Variants in ZFPM2 observed in about 807,000 individuals in gnomAD.
ZFPM2 encodes zinc finger protein, FOG family member 2.
Under a neutral mutation model 98.6 loss-of-function variants are expected in ZFPM2, and 20 were observed. The ratio of observed to expected loss-of-function variants is 0.20; its 90% CI spans 0.14 to 0.29. The LOEUF (loss-of-function observed/expected upper bound fraction) is 0.29. ZFPM2 is among the 10% of genes least tolerant of loss of function. ZFPM2 has a pLI of 1.00. For synonymous variants in ZFPM2, 518 were observed against 502.7 expected (o/e 1.03, Z -0.41); for missense variants, 1,310 against 1,388.6 (o/e 0.94, Z 0.90).
rs1416506538 is a variant in ZFPM2, at chr8:105,801,840, T to A, written c.1758T>A (p.Ser586Arg). 11 of 1,613,996 alleles carry A rather than the reference T, an allele frequency of 6.8e-6. No individual in the cohort carries two copies. The highest frequency in any genetic ancestry group is 9.3e-6 in the Non-Finnish European group (11 of 1,179,872). The change falls in exon 8 of 8, where the codon AGT becomes AGA. Residue 586 changes from serine to arginine, a missense_variant. Transcript: ENST00000407775. The stretch of plus-strand genomic sequence containing the variant: ...TGGCTAAGTCCCCAGAGTTCCCTAG[T>A]GTGTCAGAAAAGATGCCTGAAGCTT... ...QQMAKSPEFP[S>R]VSEKMPEALS...
intron 6 of ZFPM2, among the ~76,000 whole-genome samples, chr8:105,791,858 A>C (rs1813622111): frequency 6.6e-6 from 1 of 151,894 alleles, no homozygotes; most frequent in Non-Finnish European, 1.5e-5. Flanking sequence ...TTTCTTCTAG[A>C]TTTTCTAGTT....
intron 5 of ZFPM2, among the ~76,000 whole-genome samples, chr8:105,716,326 A>G (rs1223705439): frequency 1.3e-5 from 2 of 151,714 alleles, no homozygotes; most frequent in African/African-American, 4.8e-5. Flanking sequence ...TGATGAATAA[A>G]TGGTTCTCAT....
chr8:105,693,052 A>G (rs997705128), intron 5 of ZFPM2, among the ~76,000 whole-genome samples: 2 of 152,218 alleles, frequency 1.3e-5, no homozygotes, highest in African/African-American at 4.8e-5. Context: ...ACATGAGAAG[A>G]GCCTAAGCTA....
chr8:105,795,840 T>C, intron 6 of ZFPM2: 1 of 474,356 alleles, frequency 2.1e-6, no homozygotes, highest in Middle Eastern at 3.3e-4. Flanking sequence ...TCTAGCTCTA[T>C]GAAAACACAT....
intron 1 of ZFPM2, among the ~76,000 whole-genome samples, chr8:105,345,362 T>A (rs1812502173): frequency 6.6e-6 from 1 of 152,048 alleles, no homozygotes; most frequent in Non-Finnish European, 1.5e-5. Context: ...TGTTTCCATC[T>A]TTTGGAAGGC....
chr8:105,709,217 A>G (rs753719055), intron 5 of ZFPM2, among the ~76,000 whole-genome samples: 58 of 152,200 alleles, frequency 3.8e-4, no homozygotes, highest in Non-Finnish European at 7.1e-4. Flanking sequence ...TTTGATTTAA[A>G]GTAAATCATT....
intron 3 of ZFPM2, among the ~76,000 whole-genome samples, chr8:105,499,154 A>C (rs1186620341): frequency 6.6e-6 from 1 of 151,594 alleles, no homozygotes; most frequent in Non-Finnish European, 1.5e-5. Context: ...TCCTGCCCTG[A>C]CATCTGCCTG....
chr8:105,744,467 T>TA (rs1157750818), intron 5 of ZFPM2, among the ~76,000 whole-genome samples: 2 of 152,096 alleles, frequency 1.3e-5, no homozygotes, highest in Admixed American at 6.6e-5. Flanking sequence ...AAAATAGAAT[T>TA]AAATCCCTGT....
intron 3 of ZFPM2, among the ~76,000 whole-genome samples, chr8:105,453,987 A>T (rs1479650712): frequency 3.3e-5 from 5 of 152,180 alleles, no homozygotes; most frequent in Admixed American, 6.6e-5. Flanking sequence ...GTTTTAAACA[A>T]ATATCAATAT....
intron 3 of ZFPM2, among the ~76,000 whole-genome samples, chr8:105,452,126 G>T (rs1474544668): frequency 6.6e-6 from 1 of 152,090 alleles, no homozygotes; most frequent in South Asian, 2.1e-4. Flanking sequence ...CATACATAAA[G>T]GATGTGAATG....
At chr8:105,662,811 G>A (rs1170852407) in intron 5 of ZFPM2, 1 of 151,946 alleles carries the variant, frequency 6.6e-6, no homozygotes. Flanking sequence ...TTTGTCCTGT[G>A]TAATCTTTTG....
intron 3 of ZFPM2, 27 bp downstream of exon 3, chr8:105,444,408 C>A (rs371520954): frequency 1.7e-4 from 255 of 1,541,054 alleles, no homozygotes; most frequent in Non-Finnish European, 2.2e-4. Flanking sequence ...AAAATTCAAC[C>A]GTCTTTAGTA....
At chr8:105,424,114 A>T (rs1406256451) in intron 2 of ZFPM2, among the ~76,000 whole-genome samples, 3 of 152,320 alleles carry the variant, frequency 2.0e-5, no homozygotes, top group Non-Finnish European at 4.4e-5. Flanking sequence ...TATTCATGAA[A>T]CCAAACACCA....
At chr8:105,786,964 C>G (rs1461075958) in intron 5 of ZFPM2, 10 of 152,186 alleles carry the variant, frequency 6.6e-5, no homozygotes, top group Admixed American at 6.6e-4. Flanking sequence ...TGAACTAAAC[C>G]TGAATTGTGG....
intron 6 of ZFPM2, among the ~76,000 whole-genome samples, chr8:105,792,010 T>TATCA (rs1208432823): frequency 1.3e-5 from 2 of 152,166 alleles, no homozygotes; most frequent in Non-Finnish European, 1.5e-5. Context: ...GCTAGCGGTC[T>TATCA]ATCAATTTTG....
At chr8:105,622,848 A>G (rs1488988089) in intron 4 of ZFPM2, among the ~76,000 whole-genome samples, 1 of 152,054 alleles carries the variant, frequency 6.6e-6, no homozygotes, top group Non-Finnish European at 1.5e-5. Flanking sequence ...AAAACTGAAA[A>G]CCACTCTTAT....
At chr8:105,408,644 T>C (rs1039656510) in intron 1 of ZFPM2, among the ~76,000 whole-genome samples, 2 of 151,840 alleles carry the variant, frequency 1.3e-5, no homozygotes, top group Non-Finnish European at 2.9e-5. Context: ...TTCCAAACAA[T>C]ATGCGGGATC....
intron 5 of ZFPM2, among the ~76,000 whole-genome samples, chr8:105,700,217 G>A (rs1306044906): frequency 6.6e-6 from 1 of 152,160 alleles, no homozygotes; most frequent in African/African-American, 2.4e-5. Context: ...CAGGTTGCGT[G>A]GCAACCAGTG....
At chr8:105,792,915 T>A (rs933481773) in intron 6 of ZFPM2, among the ~76,000 whole-genome samples, 96 of 152,282 alleles carry the variant, frequency 6.3e-4, no homozygotes, top group African/African-American at 2.3e-3. Context: ...AATCCCTGCC[T>A]TTTTTTGTTT....
Sources: gnomAD v4.1 joint callset for allele counts (sites outside exome capture counted in the v4.1 genomes callset) on GRCh38, gnomAD v4.1.1 for gene constraint, MANE v1.5 for transcripts, NCBI Gene and HGNC (gene_info 2026-07-23, HGNC 2026-07-21) for gene names.